Variants in THRB observed in about 807,000 individuals in gnomAD.
The protein encoded by THRB is thyroid hormone receptor beta.
In THRB, 12 loss-of-function variants were observed where a neutral mutation model predicts 47.8. The ratio of observed to expected loss-of-function variants is 0.25; its 90% CI spans 0.16 to 0.41. The LOEUF (loss-of-function observed/expected upper bound fraction) is 0.41, where lower values mean the gene tolerates loss of function less well. THRB is among the 10% of genes least tolerant of loss of function. The probability of loss-of-function intolerance (pLI) is 1.00; values close to 1 mark genes in which losing one functional copy is unlikely to be tolerated. For synonymous variants in THRB, 218 were observed against 212.2 expected (o/e 1.03, Z -0.24); for missense variants, 348 against 589.2 (o/e 0.59, Z 4.24).
At chr3:24,315,397 C>T (rs748324356) in intron 2 of THRB, among the ~76,000 whole-genome samples, 3 of 152,220 alleles carry the variant, frequency 2.0e-5, no homozygotes, top group Admixed American at 6.5e-5. Context: ...CCTGCACTTA[C>T]GTGGCTAAGC....
chr3:24,275,789 T>C lies in THRB; in HGVS notation c.-43+21437A>G, dbSNP rs191985777. Among the ~76,000 whole-genome samples the C allele has an allele frequency of 4.9e-4, 75 of 152,296 alleles. No homozygotes were observed. In the South Asian group the frequency reaches 6.4e-3, roughly 13 times the overall value. ...AGTTCTTGGTGTACAGTTGAATCAA[T>C]TGAGGACCTTAAAACGCTACATGAA... On this transcript the variant is annotated intron_variant, in intron 3 of 10. Transcript: ENST00000646209.
intron 1 of THRB, among the ~76,000 whole-genome samples, chr3:24,454,109 C>A (rs1305268802): frequency 6.6e-6 from 1 of 152,006 alleles, no homozygotes; most frequent in African/African-American, 2.4e-5. Flanking sequence ...ATACAAAAAA[C>A]TCAATAGTAA....
intron 1 of THRB, among the ~76,000 whole-genome samples, chr3:24,359,731 A>T (rs13086718): frequency 6.6e-6 from 1 of 152,058 alleles, no homozygotes; most frequent in African/African-American, 2.4e-5. Context: ...ACACATTTTC[A>T]GTTGAGTTGT....
intron 3 of THRB, among the ~76,000 whole-genome samples, chr3:24,285,008 G>A (rs2055102947): frequency 1.3e-5 from 2 of 152,084 alleles, no homozygotes; most frequent in African/African-American, 2.4e-5. Context: ...TTCAACCATT[G>A]TGGAAGTCAG....
chr3:24,134,552 G>A (rs1357283451), intron 8 of THRB, among the ~76,000 whole-genome samples: 1 of 152,124 alleles, frequency 6.6e-6, no homozygotes, highest in Non-Finnish European at 1.5e-5. Flanking sequence ...CTGAGGCCAG[G>A]CCTGCGATCT....
At chr3:24,230,926 T>C (rs560028152) in intron 3 of THRB, among the ~76,000 whole-genome samples, 1 of 152,290 alleles carries the variant, frequency 6.6e-6, no homozygotes, top group South Asian at 2.1e-4. Flanking sequence ...ACTGAGACCA[T>C]ATCTCTCAGC....
At chr3:24,147,779 C>T (rs1025965108) in intron 6 of THRB, among the ~76,000 whole-genome samples, 3 of 152,194 alleles carry the variant, frequency 2.0e-5, no homozygotes, top group African/African-American at 7.2e-5. Flanking sequence ...ATCTTCCCTA[C>T]AATCATGTAA....
At chr3:24,192,875 GT>G (rs2043513775) in intron 4 of THRB, among the ~76,000 whole-genome samples, 1 of 152,172 alleles carries the variant, frequency 6.6e-6, no homozygotes, top group South Asian at 2.1e-4. Context: ...ATGATATTCA[GT>G]TGCTTAACTG....
intron 1 of THRB, among the ~76,000 whole-genome samples, chr3:24,476,802 A>T (rs1278835740): frequency 6.6e-6 from 1 of 152,176 alleles, no homozygotes; most frequent in Non-Finnish European, 1.5e-5. Context: ...TAAGAAAAAA[A>T]TTAAAATTCT....
chr3:24,268,949 T>A (rs2150598606), intron 3 of THRB, among the ~76,000 whole-genome samples: 1 of 152,310 alleles, frequency 6.6e-6, no homozygotes, highest in Non-Finnish European at 1.5e-5. Context: ...GCATTATTAA[T>A]GTAAATTCCC....
At chr3:24,164,460 G>T (rs1305660972) in intron 5 of THRB, among the ~76,000 whole-genome samples, 2 of 152,076 alleles carry the variant, frequency 1.3e-5, no homozygotes, top group Non-Finnish European at 2.9e-5. Context: ...GTTTGACATG[G>T]TTACAAATAG....
rs553210628 is a variant in THRB, at chr3:24,202,858, TC to T, written c.23-12525del. Among the ~76,000 whole-genome samples the T allele has an allele frequency of 1.3e-4, 20 of 152,334 alleles. No individual in the cohort carries two copies. The South Asian group carries it at 3.9e-3, about 30-fold the overall frequency. The stretch of plus-strand genomic sequence containing the variant: ...AGCTACTTTCATAACACCTTTGCTA[TC>T]TTCTACAGGTGAGGCAATTGGAGCC... On this transcript the variant is annotated intron_variant, in intron 4 of 10. Transcript: ENST00000646209.
intron 2 of THRB, among the ~76,000 whole-genome samples, chr3:24,321,943 G>T (rs2058512865): frequency 6.6e-6 from 1 of 151,922 alleles, no homozygotes; most frequent in African/African-American, 2.4e-5. Context: ...AGAAAATGCA[G>T]TATTAAAATA....
At chr3:24,164,343 A>T (rs1465772084) in intron 5 of THRB, among the ~76,000 whole-genome samples, 1 of 152,196 alleles carries the variant, frequency 6.6e-6, no homozygotes, top group Non-Finnish European at 1.5e-5. Context: ...AGTGTGTTTC[A>T]CTTGCTTTCA....
intron 1 of THRB, among the ~76,000 whole-genome samples, chr3:24,390,813 T>TATAA (rs1553743128): frequency 6.1e-5 from 9 of 147,052 alleles, no homozygotes; most frequent in East Asian, 2.0e-4. Flanking sequence ...TATATATATA[T>TATAA]AATATTATTT....
intron 1 of THRB, among the ~76,000 whole-genome samples, chr3:24,419,071 C>T (rs1358181820): frequency 6.6e-6 from 1 of 151,912 alleles, no homozygotes; most frequent in Non-Finnish European, 1.5e-5. Flanking sequence ...TGAAACCACT[C>T]CTAATCAATC....
intron 1 of THRB, among the ~76,000 whole-genome samples, chr3:24,381,908 C>T (rs1446601247): frequency 6.6e-6 from 1 of 151,650 alleles, no homozygotes; most frequent in Non-Finnish European, 1.5e-5. Flanking sequence ...CTAACACTTT[C>T]CACATTAAAT....
chr3:24,280,644 A>G (rs1046921159), intron 3 of THRB, among the ~76,000 whole-genome samples: 4 of 152,188 alleles, frequency 2.6e-5, no homozygotes, highest in African/African-American at 9.7e-5. Context: ...ACTCCAAGCT[A>G]TGGGAGGACA....
At chr3:24,287,119 C>T (rs993781463) in intron 3 of THRB, among the ~76,000 whole-genome samples, 1 of 152,160 alleles carries the variant, frequency 6.6e-6, no homozygotes, top group Non-Finnish European at 1.5e-5. Flanking sequence ...CACTTGCAGA[C>T]CCAATGCAGT....
Sources: allele counts gnomAD v4.1 joint callset (sites outside exome capture counted in the v4.1 genomes callset), GRCh38; gene constraint gnomAD v4.1.1; transcripts MANE v1.5; gene names NCBI Gene and HGNC (gene_info 2026-07-23, HGNC 2026-07-21).